Variants in SLC12A4 observed in about 807,000 individuals in gnomAD.
The protein encoded by SLC12A4 is solute carrier family 12 member 4.
A neutral mutation model predicts 119.2 loss-of-function variants in SLC12A4; 84 were observed. The ratio of observed to expected loss-of-function variants is 0.70; its 90% CI spans 0.59 to 0.85. The LOEUF (loss-of-function observed/expected upper bound fraction) is 0.85, where lower values mean the gene tolerates loss of function less well. SLC12A4 is among the 40% of genes least tolerant of loss of function. SLC12A4 has a pLI of 0.00. For missense variants in SLC12A4, 1,298 were observed against 1,476.3 expected (o/e 0.88, Z 1.98); for synonymous variants, 599 against 604.6 (o/e 0.99, Z 0.14).
At position 67,945,312 on chromosome 16, in the gene SLC12A4, C is replaced by T. The variant is rs577863126; in HGVS notation, c.3032+57G>A. On this transcript the variant is annotated intron_variant, in intron 22 of 23. Transcript: ENST00000316341. ...CCCATCTAACACTACTTGTCTGCCC[C>T]ACCCCACCTCCACCCCTAGATTCCA... The T allele has an allele frequency of 2.8e-4, 439 of 1,575,138 alleles. No homozygotes were observed. In the African/African-American group the frequency reaches 5.4e-3, roughly 19 times the overall value.
intron 5 of SLC12A4, 78 bp downstream of exon 5, chr16:67,957,664 T>C (rs2151334118): frequency 6.4e-7 from 1 of 1,552,924 alleles, no homozygotes; most frequent in South Asian, 1.1e-5. Context: ...AGGGGTGTGC[T>C]ATGGGGGTTC....
chr16:67,960,909 C>A (rs2030527765), intron 3 of SLC12A4, among the ~76,000 whole-genome samples: 1 of 152,014 alleles, frequency 6.6e-6, no homozygotes, highest in South Asian at 2.1e-4. Flanking sequence ...GACACTGGCA[C>A]TCAAGGAACC....
chr16:67,957,678 G>A (rs2030342073), intron 5 of SLC12A4, 64 bp downstream of exon 5: 1 of 1,594,624 alleles, frequency 6.3e-7, no homozygotes, highest in South Asian at 1.1e-5. Context: ...GGGGTTCCCA[G>A]GTAGGTCAAG....
In SLC12A4 at chr16:67,947,701, G is replaced by A. The variant is rs766002389; in HGVS notation, c.1935C>T (p.Ala645=). The A allele has an allele frequency of 2.0e-5, 32 of 1,597,030 alleles. No individual in the cohort carries two copies. The highest frequency in any genetic ancestry group is 1.7e-4 in the Middle Eastern group (1 of 6,042). Residue 645 remains alanine, a synonymous_variant, in exon 15 of 24, where the codon GCC becomes GCT. Transcript: ENST00000316341. ...ACTCGATGTATTTGTAGATCATGCC[G>A]GCGATGAGCATGGCCACCAGGGCAT... is the stretch of plus-strand genomic sequence containing the variant. ...WYYALVAMLI[A]GMIYKYIEYQ...
chr16:67,963,996 A>T, intron 1 of SLC12A4: 1 of 1,551,174 alleles, frequency 6.4e-7, no homozygotes. Context: ...CTCCAGATAG[A>T]CGAAGCCGCA....
chr16:67,953,422 T>G, intron 6 of SLC12A4, among the ~76,000 whole-genome samples: 1 of 151,806 alleles, frequency 6.6e-6, no homozygotes, highest in Admixed American at 6.6e-5. Context: ...AAAATAAGAG[T>G]ACCTAAAAGA....
chr16:67,960,788 C>T (rs554911276), intron 3 of SLC12A4, among the ~76,000 whole-genome samples: 1 of 151,832 alleles, frequency 6.6e-6, no homozygotes, highest in East Asian at 2.0e-4. Flanking sequence ...GTAACAGTCA[C>T]CCCAAAGAGA....
chr16:67,944,530 C>CCTGGG lies in SLC12A4; in HGVS notation c.*305_*309dup. The CCTGGG allele has an allele frequency of 7.8e-7, 1 of 1,285,592 alleles. No individual in the cohort carries two copies. Among genetic ancestry groups the CCTGGG allele is most frequent in the Non-Finnish European group, 9.8e-7 (1 of 1,015,344 alleles). The allele number at this position is 1,285,592 out of a possible 1,614,324, so 79.6% of individuals were successfully genotyped here. A position where few individuals can be genotyped will look rare whatever the true frequency, so the allele number is the denominator to read the frequency against. On this transcript the variant is annotated 3_prime_UTR_variant, in exon 24 of 24. Transcript: ENST00000316341. This position sits in a 1 kb window ranked among gnomAD's most constrained non-coding sequence, Gnocchi z 6.6. ...CAATAAATATGCAATAAATAGCGCT[C>CCTGGG]CTGGGCTGGGCCGGGCCGGCTGCCT...
intron 13 of SLC12A4, among the ~76,000 whole-genome samples, chr16:67,948,772 A>T (rs1210572961): frequency 6.6e-6 from 1 of 151,832 alleles, no homozygotes; most frequent in Non-Finnish European, 1.5e-5. Flanking sequence ...TTTGGGCACA[A>T]GGGGGGTCAC....
intron 5 of SLC12A4, among the ~76,000 whole-genome samples, chr16:67,956,426 C>T (rs1282538781): frequency 6.6e-6 from 1 of 152,024 alleles, no homozygotes; most frequent in African/African-American, 2.4e-5. Flanking sequence ...TGGCTCACAC[C>T]CGTAATCCCA....
At position 67,952,392 on chromosome 16, in the gene SLC12A4, G is replaced by A. The variant is rs1436615957; in HGVS notation, c.709C>T (p.Pro237Ser). Reference protein sequence around the residue: ...YIAPPAAIFYPSGAHDTSNAT... With the variant: ...YIAPPAAIFYSSGAHDTSNAT... ...TTCGACGTGTCATGAGCACCCGATG[G>A]GTAAAAAATGGCAGCTGGTGGGGCA... is the stretch of plus-strand genomic sequence containing the variant. Residue 237 changes from proline (P) to serine (S), a missense_variant, in exon 7 of 24, where the codon CCA becomes TCA. By Grantham distance (74) the Pro-to-Ser change is moderately conservative (BLOSUM62 -1). Transcript: ENST00000316341. The A allele has an allele frequency of 2.5e-6, 4 of 1,613,990 alleles. No individual in the cohort carries two copies. In the African/African-American group the frequency reaches 5.3e-5, roughly 22 times the overall value.
In SLC12A4 at chr16:67,947,320, C is replaced by T. The variant is rs1222769774; in HGVS notation, c.2072+11G>A. The T allele has an allele frequency of 1.9e-6, 3 of 1,609,650 alleles. No homozygotes were observed. The highest frequency in any genetic ancestry group is 1.7e-5 in the Admixed American group (1 of 59,782). On this transcript the variant is annotated intron_variant, in intron 16 of 23. Coordinates refer to ENST00000316341, the MANE Select transcript of SLC12A4 (RefSeq NM_005072.5). ...CCTCTGCGCCCTGGCCAGGGTCTGG[C>T]GGGAACTCACCGCCAGTTCTTGGTG...
intron 21 of SLC12A4, 65 bp from the exon 22 acceptor site, chr16:67,945,618 C>G (rs1395286220): frequency 1.9e-6 from 3 of 1,552,228 alleles, no homozygotes; most frequent in Non-Finnish European, 2.6e-6. Flanking sequence ...CTGTCTGGCC[C>G]AATGTGACCA....
chr16:67,962,788 A>G (rs1304855662), intron 2 of SLC12A4: 1 of 152,180 alleles, frequency 6.6e-6, no homozygotes, highest in East Asian at 1.9e-4. Context: ...ATGAGCTGAG[A>G]TCGCGTCACT....
rs1441998442 is a variant in SLC12A4 at position 67,954,654 on chromosome 16, C to T, written c.664G>A (p.Glu222Lys). 2.5e-6 allele frequency: 4 copies of T among 1,614,048 alleles called. No individual in the cohort carries two copies. Among genetic ancestry groups the T allele is most frequent in the African/African-American group, 1.3e-5 (1 of 74,924 alleles). Residue 222 changes from glutamate to lysine, a missense_variant, in exon 6 of 24, where the codon GAG becomes AAG. Coordinates refer to ENST00000316341, the MANE Select transcript of SLC12A4 (RefSeq NM_005072.5). ...AAAMYILGAI[E>K]ILLTYIAPPA... is the part of the protein sequence containing the mutation. Reference sequence around the variant, plus strand: ...TCAGCCTGACTCACCAGCAAGATCTCGATGGCCCCCAGGATGTACATGGCT... The same window carrying T: ...TCAGCCTGACTCACCAGCAAGATCTTGATGGCCCCCAGGATGTACATGGCT...
chr16:67,962,852 A>G (rs1221399281), intron 2 of SLC12A4: 1 of 152,028 alleles, frequency 6.6e-6, no homozygotes, highest in African/African-American at 2.4e-5. Flanking sequence ...GAAGAAAGAG[A>G]AAAAAAAGGC....
At position 67,954,628 on chromosome 16, in the gene SLC12A4, C is replaced by T. The variant is rs1598221130; in HGVS notation, c.675+15G>A. ...TGGACATGGCCAGAGTTGGCCAGGGCTCAGCCTGACTCACCAGCAAGATCT... is the reference window on the plus strand; with the variant it reads ...TGGACATGGCCAGAGTTGGCCAGGGTTCAGCCTGACTCACCAGCAAGATCT... On this transcript the variant is annotated intron_variant, in intron 6 of 23. Coordinates refer to ENST00000316341, the MANE Select transcript of SLC12A4 (RefSeq NM_005072.5). 8 of 1,614,064 alleles carry T rather than the reference C, an allele frequency of 5.0e-6. No homozygotes were observed. The African/African-American group carries it at 5.3e-5, about 11-fold the overall frequency.
chr16:67,964,102 C>T, intron 1 of SLC12A4: 1 of 1,519,136 alleles, frequency 6.6e-7, no homozygotes, highest in Non-Finnish European at 8.9e-7. Context: ...CCGGGGCATG[C>T]CGGGAGGTGG....
In SLC12A4 at chr16:67,950,320, C is replaced by T. The variant is rs372052760; in HGVS notation, c.1628G>A (p.Arg543Gln). ...ATGGGGGAGTGCAGAGGGGCTCACC[C>T]GGAGGAAGGGGATGATGTTGTCCTT... ...IAKDNIIPFL[R>Q]VFGHGKVNGE... The change falls in exon 12 of 24, where the codon CGG (arginine) becomes CAG (glutamine). Residue 543 changes from arginine (R) to glutamine (Q), a missense_variant and splice_region_variant. By Grantham distance (43) the Arg-to-Gln change is conservative. Transcript: ENST00000316341. The surrounding 1 kb of genome is among the most constrained non-coding windows in gnomAD (Gnocchi z 4.3). 75 of 1,613,280 alleles carry T rather than the reference C, an allele frequency of 4.6e-5. No homozygotes were observed. The highest frequency in any genetic ancestry group is 1.7e-4 in the Middle Eastern group (1 of 6,020).
Sources: gnomAD v4.1 joint callset for allele counts (sites outside exome capture counted in the v4.1 genomes callset) on GRCh38, gnomAD v4.1.1 for gene constraint, Gnocchi (gnomAD v3.1) non-coding constraint, MANE v1.5 for transcripts, NCBI Gene and HGNC (gene_info 2026-07-23, HGNC 2026-07-21) for gene names.